The following GPC5 variants were observed in gnomAD, a reference collection of about 807,000 sequenced individuals.
The protein encoded by GPC5 is glypican 5.
Under a neutral mutation model 53.9 loss-of-function variants are expected in GPC5, and 47 were observed. The ratio of observed to expected loss-of-function variants is 0.87; its 90% CI spans 0.69 to 1.11. The LOEUF (loss-of-function observed/expected upper bound fraction) is 1.11. GPC5 is among the 50% of genes most tolerant of loss of function. The pLI is 0.00. For synonymous variants in GPC5, 286 were observed against 263.3 expected (o/e 1.09, Z -0.84); for missense variants, 748 against 713.1 (o/e 1.05, Z -0.56).
chr13:92,742,853 T>C (rs375794785), intron 7 of GPC5, among the ~76,000 whole-genome samples: 1 of 152,092 alleles, frequency 6.6e-6, no homozygotes, highest in African/African-American at 2.4e-5. Context: ...TTTCCCCATT[T>C]CTTGTTTTTG....
intron 6 of GPC5, among the ~76,000 whole-genome samples, chr13:91,981,350 C>G (rs1041166870): frequency 6.6e-6 from 1 of 150,604 alleles, no homozygotes; most frequent in South Asian, 2.1e-4. Flanking sequence ...AGTGCAGTGG[C>G]GCGATCTCGG....
chr13:92,867,038 T>C lies in GPC5; in HGVS notation c.*599T>C, dbSNP rs1281624026. On this transcript the variant is annotated 3_prime_UTR_variant, in exon 8 of 8. Transcript: ENST00000377067. ...AAGAACCTTGATAATTTTGACCCAC[T>C]GTAACTTAGCCACTGATGAACCTTA... is the stretch of plus-strand genomic sequence containing the variant. 2.0e-5 allele frequency: 3 copies of C among 152,136 alleles called. No homozygotes were observed. The highest frequency in any genetic ancestry group is 4.4e-5 in the Non-Finnish European group (3 of 68,014). 9.4% of individuals were successfully genotyped at this position (152,136 alleles called of 1,614,324 possible).
At chr13:92,537,969 A>G (rs1453084446) in intron 7 of GPC5, among the ~76,000 whole-genome samples, 1 of 152,114 alleles carries the variant, frequency 6.6e-6, no homozygotes, top group African/African-American at 2.4e-5. Context: ...AACCTTAAAG[A>G]TGCTGGTCTG....
At chr13:92,629,267 A>G (rs370614193) in intron 7 of GPC5, among the ~76,000 whole-genome samples, 2 of 152,316 alleles carry the variant, frequency 1.3e-5, no homozygotes, top group Admixed American at 6.5e-5. Context: ...TGTCATTCCC[A>G]TAACAGCCTA....
intron 4 of GPC5, among the ~76,000 whole-genome samples, chr13:91,741,672 TACA>T (rs2036937054): frequency 6.6e-6 from 1 of 152,210 alleles, no homozygotes; most frequent in South Asian, 2.1e-4. Context: ...TCTTATCTAA[TACA>T]ACACTTTATT....
intron 3 of GPC5, among the ~76,000 whole-genome samples, chr13:91,699,101 T>C (rs1184760305): frequency 6.6e-6 from 1 of 152,216 alleles, no homozygotes; most frequent in Non-Finnish European, 1.5e-5. Context: ...TGAAATTATT[T>C]TGAAATTAAT....
intron 7 of GPC5, among the ~76,000 whole-genome samples, chr13:92,514,737 T>C (rs1880705184): frequency 2.0e-5 from 3 of 152,148 alleles, no homozygotes; most frequent in African/African-American, 4.8e-5. Flanking sequence ...TAAACTCAGT[T>C]CTGGACTACT....
At chr13:91,834,653 C>T (rs1195077433) in intron 5 of GPC5, among the ~76,000 whole-genome samples, 1 of 152,112 alleles carries the variant, frequency 6.6e-6, no homozygotes, top group Non-Finnish European at 1.5e-5. Context: ...AAAAAGGATT[C>T]CCTATTTAAT....
chr13:92,592,016 T>C (rs1883728873), intron 7 of GPC5, among the ~76,000 whole-genome samples: 1 of 152,194 alleles, frequency 6.6e-6, no homozygotes, highest in Admixed American at 6.5e-5. Context: ...GGCCTGCTGA[T>C]ATATCTATGT....
chr13:91,881,203 A>C (rs1302266379), intron 5 of GPC5, among the ~76,000 whole-genome samples: 2 of 152,098 alleles, frequency 1.3e-5, no homozygotes, highest in African/African-American at 4.8e-5. Flanking sequence ...AAGGTGTCTC[A>C]TTTTTTAAAT....
rs111908037 is a variant in GPC5, at chr13:92,620,448, C to T, written c.1562-245834C>T. On this transcript the variant is annotated intron_variant, in intron 7 of 7. Transcript: ENST00000377067. Reference sequence around the variant, plus strand: ...AGGAAGGAGACCTTCAGAAATTCCACCAGGTTTTTTGTTTCTCGTTTTACA... The same window carrying T: ...AGGAAGGAGACCTTCAGAAATTCCATCAGGTTTTTTGTTTCTCGTTTTACA... 1.8e-4 allele frequency among the ~76,000 whole-genome samples: 27 copies of T among 152,260 alleles called. 1 individual carries two copies. The highest frequency in any genetic ancestry group is 6.3e-4 in the African/African-American group (26 of 41,564).
At position 91,743,703 on chromosome 13, in the gene GPC5, TGATA is replaced by T. The variant is rs113567778; in HGVS notation, c.1155-12589_1155-12586del. ...GTGTCTCTAGAGTAGGTTACACATG[TGATA>T]GAGAGACACTTCCTTTCCCTTTTTC... On this transcript the variant is annotated intron_variant, in intron 4 of 7. Coordinates refer to ENST00000377067, the MANE Select transcript of GPC5 (RefSeq NM_004466.6). 6.5e-3 allele frequency among the ~76,000 whole-genome samples: 995 copies of T among 152,252 alleles called. 12 individuals are homozygous for T. The highest frequency in any genetic ancestry group is 0.023 in the African/African-American group (954 of 41,572).
In GPC5 at chr13:92,610,030, C is replaced by CAAAAAAA. The variant is rs56913637; in HGVS notation, c.1562-256233_1562-256227dup. 2.3e-4 allele frequency among the ~76,000 whole-genome samples: 16 copies of CAAAAAAA among 70,804 alleles called. 1 individual carries two copies. Among genetic ancestry groups the CAAAAAAA allele is most frequent in the East Asian group, 1.6e-3 (3 of 1,844 alleles). 46.5% of individuals were successfully genotyped at this position (70,804 alleles called of 152,430 possible). ...TGAGCAACAGAGCGAGACTCCATCT[C>CAAAAAAA]AAAAAAAAAAAAAAAAAAAAAAAAA... On this transcript the variant is annotated intron_variant, in intron 7 of 7. Coordinates refer to ENST00000377067, the MANE Select transcript of GPC5 (RefSeq NM_004466.6).
At chr13:91,426,534 AG>A (rs922791778) in intron 1 of GPC5, among the ~76,000 whole-genome samples, 3 of 152,230 alleles carry the variant, frequency 2.0e-5, no homozygotes, top group Non-Finnish European at 4.4e-5. Flanking sequence ...ACCTAAAAGT[AG>A]GGAAGCCAAC....
At chr13:92,756,063 T>C (rs1290862143) in intron 7 of GPC5, among the ~76,000 whole-genome samples, 1 of 152,098 alleles carries the variant, frequency 6.6e-6, no homozygotes, top group Non-Finnish European at 1.5e-5. Context: ...TTGATGAACA[T>C]TGATGCAAAA....
chr13:91,718,074 C>T (rs918047358), intron 3 of GPC5, among the ~76,000 whole-genome samples: 4 of 152,102 alleles, frequency 2.6e-5, no homozygotes, highest in Non-Finnish European at 5.9e-5. Flanking sequence ...AGAGATATTA[C>T]TTAGCCTCCC....
rs370340589 is a variant in GPC5, at chr13:91,731,161, T to C, written c.1154+2496T>C. On this transcript the variant is annotated intron_variant, in intron 4 of 7. Coordinates refer to ENST00000377067, the MANE Select transcript of GPC5 (RefSeq NM_004466.6). The stretch of plus-strand genomic sequence containing the variant: ...ACTAATTGGTAAGGAGGTAAAAGAA[T>C]TTGCCAAATCATTAGCTGCATAGCA... Among the ~76,000 whole-genome samples the C allele has an allele frequency of 9.8e-5, 15 of 152,348 alleles. No individual in the cohort carries two copies. In the East Asian group the frequency reaches 2.9e-3, roughly 29 times the overall value.
intron 7 of GPC5, among the ~76,000 whole-genome samples, chr13:92,367,890 T>C (rs967828046): frequency 3.9e-5 from 6 of 152,120 alleles, no homozygotes; most frequent in Admixed American, 6.5e-5. Context: ...AGTTCCAAGA[T>C]AGTCCTTCTT....
At chr13:92,550,416 T>C (rs1323540801) in intron 7 of GPC5, among the ~76,000 whole-genome samples, 1 of 151,872 alleles carries the variant, frequency 6.6e-6, no homozygotes, top group Non-Finnish European at 1.5e-5. Context: ...GTAATATCTA[T>C]TAAATTTATG....
Sources: allele counts gnomAD v4.1 joint callset (sites outside exome capture counted in the v4.1 genomes callset), GRCh38; gene constraint gnomAD v4.1.1; transcripts MANE v1.5; gene names NCBI Gene and HGNC (gene_info 2026-07-23, HGNC 2026-07-21).